CPPED1: variants seen among roughly 807,000 people sequenced by gnomAD.
The protein encoded by CPPED1 is serine/threonine-protein phosphatase CPPED1.
In CPPED1, 28 loss-of-function variants were observed where a neutral mutation model predicts 28.0. The ratio of observed to expected loss-of-function variants is 1.00; its 90% confidence interval spans 0.74 to 1.37. The LOEUF is 1.37. CPPED1 is among the 40% of genes most tolerant of loss of function. The pLI is 0.00. For synonymous variants in CPPED1, 198 were observed against 180.2 expected (o/e 1.10, Z -0.79); for missense variants, 504 against 416.5 (o/e 1.21, Z -1.83).
chr16:12,794,128 C>A (rs1187684418), intron 1 of CPPED1, among the ~76,000 whole-genome samples: 10 of 152,088 alleles, frequency 6.6e-5, no homozygotes, highest in Non-Finnish European at 1.5e-4. Context: ...AATGTCCCCA[C>A]TGTGAAGCTG....
intron 2 of CPPED1, among the ~76,000 whole-genome samples, chr16:12,762,436 T>A (rs1411448169): frequency 6.6e-6 from 1 of 152,230 alleles, no homozygotes; most frequent in Non-Finnish European, 1.5e-5. Flanking sequence ...AACAATCTGC[T>A]TCTAAGAATT....
chr16:12,780,419 G>A lies in CPPED1; in HGVS notation c.289+766C>T, dbSNP rs545443744. Reference sequence around the variant, plus strand: ...TCGAACACCTGAGCTCAAGTGATCCGCCCACCTCAGCCTCCCAAAGTGCTG... The same window carrying A: ...TCGAACACCTGAGCTCAAGTGATCCACCCACCTCAGCCTCCCAAAGTGCTG... On this transcript the variant is annotated intron_variant, in intron 2 of 3. Transcript: ENST00000381774. Among the ~76,000 whole-genome samples, 22 of 151,996 alleles carry A rather than the reference G, an allele frequency of 1.4e-4. No individual in the cohort carries two copies. The South Asian group carries it at 2.3e-3, about 16-fold the overall frequency.
At chr16:12,673,112 A>G (rs548651665) in intron 3 of CPPED1, among the ~76,000 whole-genome samples, 2 of 152,338 alleles carry the variant, frequency 1.3e-5, no homozygotes, top group Non-Finnish European at 2.9e-5. Context: ...CTGCCACTCC[A>G]GGGCACAAAC....
intron 3 of CPPED1, among the ~76,000 whole-genome samples, chr16:12,693,584 T>C (rs921079583): frequency 1.3e-5 from 2 of 152,240 alleles, no homozygotes; most frequent in African/African-American, 4.8e-5. Flanking sequence ...CAAAGCATTT[T>C]TGAACTTATT....
At chr16:12,787,105 A>T (rs186415786) in intron 1 of CPPED1, among the ~76,000 whole-genome samples, 114 of 152,310 alleles carry the variant, frequency 7.5e-4, no homozygotes, top group South Asian at 4.8e-3. Context: ...TTTTCTTCCC[A>T]AATTGACTTA....
Position 12,781,245 on chromosome 16 carries a change from T to A in CPPED1, c.229A>T (p.Lys77Ter), listed in dbSNP as rs1233154156. 4 of 1,614,104 alleles carry A rather than the reference T, an allele frequency of 2.5e-6. No individual in the cohort carries two copies. The highest frequency in any genetic ancestry group is 1.6e-4 in the Middle Eastern group (1 of 6,062). ...LTEQAVQAINKLNPKPKFFVL... is the reference protein window; with the variant it reads ...LTEQAVQAIN Reference sequence around the variant, plus strand: ...AAGAATTTGGGTTTGGGGTTCAGCTTGTTGATGGCCTGGACGGCTTGCTCA... The same window carrying A: ...AAGAATTTGGGTTTGGGGTTCAGCTAGTTGATGGCCTGGACGGCTTGCTCA... The change falls in exon 2 of 4, where the codon AAG (lysine) becomes TAG (stop). Residue 77 changes from lysine to a stop codon, truncating the protein, a stop_gained. Transcript: ENST00000381774. LOFTEE classifies it high-confidence loss of function.
At chr16:12,674,184 A>G (rs2079866647) in intron 3 of CPPED1, among the ~76,000 whole-genome samples, 1 of 152,126 alleles carries the variant, frequency 6.6e-6, no homozygotes, top group South Asian at 2.1e-4. Context: ...GAGGTCCTGC[A>G]TGAAAAAAAT....
intron 2 of CPPED1, among the ~76,000 whole-genome samples, chr16:12,768,225 G>C (rs2141230906): frequency 6.6e-6 from 1 of 152,252 alleles, no homozygotes; most frequent in African/African-American, 2.4e-5. Context: ...CTTTGGTCCT[G>C]ACATATTTCT....
chr16:12,757,675 T>C (rs74729761), intron 2 of CPPED1: 15 of 135,492 alleles, frequency 1.1e-4, no homozygotes, highest in Admixed American at 4.4e-4. Context: ...AGTAACACTT[T>C]GCATCCGCAA....
intron 2 of CPPED1, among the ~76,000 whole-genome samples, chr16:12,739,260 G>A (rs2080242109): frequency 6.6e-6 from 1 of 152,166 alleles, no homozygotes; most frequent in Non-Finnish European, 1.5e-5. Flanking sequence ...GTCCAAGCAA[G>A]TGAGTTTTTT....
intron 2 of CPPED1, among the ~76,000 whole-genome samples, chr16:12,777,455 G>A (rs2141236425): frequency 6.6e-6 from 1 of 152,306 alleles, no homozygotes; most frequent in Non-Finnish European, 1.5e-5. Flanking sequence ...TAAATTAAGA[G>A]TGAAGGATGA....
At chr16:12,742,014 C>G (rs1349860795) in intron 2 of CPPED1, among the ~76,000 whole-genome samples, 1 of 151,856 alleles carries the variant, frequency 6.6e-6, no homozygotes, top group East Asian at 1.9e-4. Flanking sequence ...CACAGTGAGT[C>G]GAGATCAGAC....
At chr16:12,786,020 A>G (rs2141241739) in intron 1 of CPPED1, among the ~76,000 whole-genome samples, 1 of 152,220 alleles carries the variant, frequency 6.6e-6, no homozygotes, top group East Asian at 1.9e-4. Context: ...TTACTCGGTC[A>G]AACAGTACAT....
intron 2 of CPPED1, among the ~76,000 whole-genome samples, chr16:12,744,061 G>T (rs2080270226): frequency 6.6e-6 from 1 of 152,100 alleles, no homozygotes; most frequent in Non-Finnish European, 1.5e-5. Context: ...TGGATCACGA[G>T]GTCAGGAGAT....
At position 12,661,769 on chromosome 16, in the gene CPPED1, A is replaced by G. The variant is rs1023026726; in HGVS notation, c.*3117T>C. 2.0e-5 allele frequency: 3 copies of G among 152,584 alleles called. No individual in the cohort carries two copies. Among genetic ancestry groups the G allele is most frequent in the Non-Finnish European group, 4.4e-5 (3 of 68,432 alleles). The allele number at this position is 152,584 out of a possible 1,614,324, so 9.5% of individuals were successfully genotyped here. On this transcript the variant is annotated 3_prime_UTR_variant, in exon 4 of 4. Transcript: ENST00000381774. Reference sequence around the variant, plus strand: ...CATTATGGTTCAGTTCGGTTTCTAAATCTCCCCCAGTAAAAATCCTCCCCC... The same window carrying G: ...CATTATGGTTCAGTTCGGTTTCTAAGTCTCCCCCAGTAAAAATCCTCCCCC...
At chr16:12,705,188 ATGCAGTCACG>A in intron 2 of CPPED1, 139 bp from the exon 3 acceptor site, 1 of 918,316 alleles carries the variant, frequency 1.1e-6, no homozygotes, top group South Asian at 1.8e-5. Context: ...AAACTGCAAA[ATGCAGTCACG>A]TGCTAAAAGC....
intron 2 of CPPED1, among the ~76,000 whole-genome samples, chr16:12,712,837 G>A (rs367856306): frequency 4.9e-4 from 74 of 152,266 alleles, no homozygotes; most frequent in East Asian, 2.1e-3. Context: ...TGGGGAAGTG[G>A]AAGGACAGAA....
chr16:12,672,693 T>C (rs980336396), intron 3 of CPPED1, among the ~76,000 whole-genome samples: 5 of 152,190 alleles, frequency 3.3e-5, no homozygotes, highest in Admixed American at 6.5e-5. Flanking sequence ...AGGCACATCA[T>C]TCTCTCTTAT....
At chr16:12,683,237 A>G (rs2079915118) in intron 3 of CPPED1, among the ~76,000 whole-genome samples, 1 of 152,194 alleles carries the variant, frequency 6.6e-6, no homozygotes, top group Non-Finnish European at 1.5e-5. Flanking sequence ...GATCCCTTAA[A>G]GAACACACAT....
Sources: allele counts gnomAD v4.1 joint callset (sites outside exome capture counted in the v4.1 genomes callset), GRCh38; gene constraint gnomAD v4.1.1; transcripts MANE v1.5; gene names NCBI Gene and HGNC (gene_info 2026-07-23, HGNC 2026-07-21).